SETD3: variants seen among roughly 807,000 people sequenced by gnomAD.
SETD3 encodes actin-histidine N-methyltransferase.
In SETD3, 19 loss-of-function variants were observed where a neutral mutation model predicts 63.0. That is an observed-to-expected ratio of 0.30 (90% confidence interval 0.21 to 0.44). The LOEUF (loss-of-function observed/expected upper bound fraction) is 0.44. SETD3 is among the 20% of genes least tolerant of loss of function. The probability of loss-of-function intolerance (pLI) is 1.00; values close to 1 mark genes in which losing one functional copy is unlikely to be tolerated. For missense variants in SETD3, 587 were observed against 728.5 expected, an observed-to-expected ratio of 0.81 and a Z score of 2.24; for synonymous variants, 286 against 264.1, an observed-to-expected ratio of 1.08 and a Z score of -0.80.
chr14:99,447,240 T>A (rs1894189253), intron 6 of SETD3, among the ~76,000 whole-genome samples: 2 of 152,124 alleles, frequency 1.3e-5, no homozygotes, highest in Admixed American at 6.5e-5. Flanking sequence ...CCCAAAGCGC[T>A]GGGATTAAAG....
intron 11 of SETD3, among the ~76,000 whole-genome samples, chr14:99,401,082 T>C (rs897345414): frequency 4.0e-5 from 6 of 150,026 alleles, no homozygotes; most frequent in African/African-American, 1.5e-4. Flanking sequence ...GAGACTGCAG[T>C]GAGCTGTGAT....
At chr14:99,482,589 GT>G (rs560663638), upstream of SETD3, among the ~76,000 whole-genome samples, 6 of 152,056 alleles carry the variant, frequency 3.9e-5, no homozygotes, top group African/African-American at 9.7e-5. Flanking sequence ...GTCTTTTAGG[GT>G]TTTTTTCCCT....
chr14:99,446,158 T>TG (rs536587158), intron 6 of SETD3, among the ~76,000 whole-genome samples: 72 of 152,242 alleles, frequency 4.7e-4, no homozygotes, highest in African/African-American at 1.7e-3. Context: ...ACTTATAAAA[T>TG]GGGGACGGTG....
At chr14:99,474,377 A>T (rs1054337965) in intron 1 of SETD3, among the ~76,000 whole-genome samples, 1 of 152,132 alleles carries the variant, frequency 6.6e-6, no homozygotes, top group Non-Finnish European at 1.5e-5. Flanking sequence ...CCACAATTCA[A>T]AAGTACCAAG....
In SETD3 at chr14:99,398,471, TGTTTTGCC is replaced by T. The variant is rs1595132888; in HGVS notation, c.*200_*207del. 3 of 566,168 alleles carry T rather than the reference TGTTTTGCC, an allele frequency of 5.3e-6. No homozygotes were observed. In the East Asian group the frequency reaches 8.7e-5, roughly 17 times the overall value. The allele number at this position is 566,168 out of a possible 1,614,324, so 35.1% of individuals were successfully genotyped here. ...TCTTGTGGTTGTTTGTTAATTGGTT[TGTTTTGCC>T]TAAAAGCAAGATGGCAATCTTAATC... On this transcript the variant is annotated 3_prime_UTR_variant, in exon 13 of 13. Coordinates refer to ENST00000331768, the MANE Select transcript of SETD3 (RefSeq NM_032233.3).
chr14:99,423,717 G>GTACACTC (rs1892722134), intron 6 of SETD3, among the ~76,000 whole-genome samples: 1 of 151,382 alleles, frequency 6.6e-6, no homozygotes, highest in Non-Finnish European at 1.5e-5. Context: ...ACTGTTAAAG[G>GTACACTC]TACACTCTGT....
intron 6 of SETD3, among the ~76,000 whole-genome samples, chr14:99,421,350 G>A (rs1353559678): frequency 6.6e-6 from 1 of 151,244 alleles, no homozygotes; most frequent in African/African-American, 2.4e-5. Context: ...CAGCAATTTT[G>A]GGTTTCAATA....
chr14:99,398,443 C>G lies in SETD3; in HGVS notation c.*236G>C. 1.9e-6 allele frequency: 1 copy of G among 513,952 alleles called. No homozygotes were observed. 31.8% of individuals were successfully genotyped at this position (513,952 alleles called of 1,614,324 possible). A position where few individuals can be genotyped will look rare whatever the true frequency, so the allele number is the denominator to read the frequency against. On this transcript the variant is annotated 3_prime_UTR_variant, in exon 13 of 13. Transcript: ENST00000331768. ...AATCTCCCACAGGCACCTCTTCTCC[C>G]TTTCTTGTGGTTGTTTGTTAATTGG...
intron 6 of SETD3, among the ~76,000 whole-genome samples, chr14:99,450,897 T>A (rs890940630): frequency 6.6e-6 from 1 of 152,134 alleles, no homozygotes; most frequent in Middle Eastern, 3.2e-3. Context: ...CTCAACAACA[T>A]AGAAAAATGT....
intron 6 of SETD3, among the ~76,000 whole-genome samples, chr14:99,443,897 A>G (rs191769627): frequency 2.0e-5 from 3 of 152,346 alleles, no homozygotes; most frequent in Non-Finnish European, 4.4e-5. Flanking sequence ...GAGCAGGGTC[A>G]TGACTCTTGG....
At chr14:99,403,342 C>G (rs1193896562) in intron 11 of SETD3, among the ~76,000 whole-genome samples, 2 of 151,912 alleles carry the variant, frequency 1.3e-5, no homozygotes, top group South Asian at 4.2e-4. Flanking sequence ...AACACTTGTT[C>G]GTCTGTTCAC....
At position 99,400,173 on chromosome 14, in the gene SETD3, T is replaced by C; in HGVS notation, c.1264A>G (p.Asn422Asp). ...AGAAATGTCCAAAGTTTGACCTCGTTGTCCCAGCTAACAGGAAATTCCGAG... is the reference window on the plus strand; with the variant it reads ...AGAAATGTCCAAAGTTTGACCTCGTCGTCCCAGCTAACAGGAAATTCCGAG... ...GNSEFPVSWD[N>D]EVKLWTFLED... The change falls in exon 12 of 13, where the codon AAC (asparagine) becomes GAC (aspartate). Residue 422 changes from asparagine to aspartate, a missense_variant. Transcript: ENST00000331768. 6.2e-7 allele frequency: 1 copy of C among 1,614,220 alleles called. No homozygotes were observed.
At chr14:99,454,084 G>A (rs975360530) in intron 6 of SETD3, among the ~76,000 whole-genome samples, 1 of 152,154 alleles carries the variant, frequency 6.6e-6, no homozygotes, top group South Asian at 2.1e-4. Flanking sequence ...TTGATGGTAA[G>A]TCACTTAACA....
chr14:99,448,471 C>T (rs1422165165), intron 6 of SETD3, among the ~76,000 whole-genome samples: 1 of 152,170 alleles, frequency 6.6e-6, no homozygotes, highest in East Asian at 1.9e-4. Context: ...AAGAATGCTG[C>T]TTACCTCACT....
In SETD3 at chr14:99,434,072, T is replaced by C. The variant is rs147458365; in HGVS notation, c.676-20138A>G. 7.2e-3 allele frequency among the ~76,000 whole-genome samples: 1,093 copies of C among 152,248 alleles called. 8 individuals are homozygous for C. The highest frequency in any genetic ancestry group is 0.024 in the African/African-American group (1,007 of 41,542). ...CTCCCAAGAGAATACCCAGAAGAAA[T>C]GAATGTATATGTCCACAAGAAGATA... On this transcript the variant is annotated intron_variant, in intron 6 of 12. Transcript: ENST00000331768.
chr14:99,414,919 T>C (rs553969714), intron 6 of SETD3, among the ~76,000 whole-genome samples: 10 of 152,350 alleles, frequency 6.6e-5, no homozygotes, highest in African/African-American at 1.2e-4. Context: ...TCGTGACGCA[T>C]TGGCATCACA....
At chr14:99,480,436 G>T (rs886896032) in intron 1 of SETD3, among the ~76,000 whole-genome samples, 1 of 151,694 alleles carries the variant, frequency 6.6e-6, no homozygotes. Flanking sequence ...GTGGGCGCCA[G>T]AGGGGACAGG....
chr14:99,430,675 C>G (rs1252901250), intron 6 of SETD3, among the ~76,000 whole-genome samples: 2 of 152,176 alleles, frequency 1.3e-5, no homozygotes, highest in South Asian at 2.1e-4. Context: ...CGTGGCGCCA[C>G]TGAGGAAATG....
chr14:99,403,918 C>T (rs1416190613), intron 11 of SETD3, among the ~76,000 whole-genome samples: 1 of 152,202 alleles, frequency 6.6e-6, no homozygotes, highest in East Asian at 1.9e-4. Flanking sequence ...TGAAATGAGG[C>T]TCTGTCAGGC....
Sources: gnomAD v4.1 joint callset for allele counts (sites outside exome capture counted in the v4.1 genomes callset) on GRCh38, gnomAD v4.1.1 for gene constraint, MANE v1.5 for transcripts, NCBI Gene and HGNC (gene_info 2026-07-23, HGNC 2026-07-21) for gene names.